MYBPC3: variants seen among roughly 807,000 people sequenced by gnomAD.
MYBPC3 encodes the protein myosin-binding protein C, cardiac-type.
Under a neutral mutation model 159.3 loss-of-function variants are expected in MYBPC3, and 108 were observed. The observed-to-expected ratio is 0.68, with a 90% CI of 0.58 to 0.80. The LOEUF (loss-of-function observed/expected upper bound fraction) is 0.80, where lower values mean the gene tolerates loss of function less well. Ranked by LOEUF, MYBPC3 falls within the 30% of genes least tolerant of loss-of-function variation. The probability of loss-of-function intolerance (pLI) is 0.00; values close to 1 mark genes in which losing one functional copy is unlikely to be tolerated. For synonymous variants in MYBPC3, 730 were observed against 702.0 expected, an observed-to-expected ratio of 1.04 and a Z score of -0.63; for missense variants, 1,631 against 1,762.1, an observed-to-expected ratio of 0.93 and a Z score of 1.33.
Position 47,351,546 on chromosome 11 carries a change from G to A in MYBPC3, c.26-41C>T, listed in dbSNP as rs773070373. ...GAGGCTACAGCGGCCCCTGGTTGGA[G>A]CGTGCACCCCGCCCCTGCAGCCCCT... On this transcript the variant is annotated intron_variant, in intron 1 of 34. Transcript: ENST00000545968. The surrounding 1 kb of genome is among the most constrained non-coding windows in gnomAD (Gnocchi z 4.2). 7 of 1,536,588 alleles carry A rather than the reference G, an allele frequency of 4.6e-6. No individual in the cohort carries two copies. The highest frequency in any genetic ancestry group is 1.8e-4 in the Middle Eastern group (1 of 5,590).
intron 12 of MYBPC3, 87 bp from the exon 13 acceptor site, chr11:47,343,711 G>T: frequency 7.2e-7 from 1 of 1,390,492 alleles, no homozygotes; most frequent in Non-Finnish European, 9.6e-7. Context: ...CTGGGGCCCA[G>T]GTCCCCCCCT....
At position 47,347,472 on chromosome 11, in the gene MYBPC3, G is replaced by A. The variant is rs776238883; in HGVS notation, c.859C>T (p.His287Tyr). The part of the protein sequence containing the change: ...AGGGRRISDS[H>Y]EDTGILDFSS... ...AAGTCCAGAATCCCAGTGTCCTCAT[G>A]GCTATCACTATGGAGAGGGACCCCC... Residue 287 changes from histidine to tyrosine, a missense_variant, in exon 9 of 35, where the codon CAT becomes TAT. Transcript: ENST00000545968. 9 of 1,596,764 alleles carry A rather than the reference G, an allele frequency of 5.6e-6. No individual in the cohort carries two copies. Among genetic ancestry groups the A allele is most frequent in the South Asian group, 1.1e-5 (1 of 87,614 alleles).
At position 47,346,768 on chromosome 11, in the gene MYBPC3, C is replaced by T. The variant is rs2095894580; in HGVS notation, c.909-124G>A. ...CCTCCCTATTTTCCGCACTTGCACT[C>T]CCTGTGTTGTGGGGCACCCATGCTG... On this transcript the variant is annotated intron_variant, in intron 10 of 34. Transcript: ENST00000545968. This position sits in a 1 kb window ranked among gnomAD's most constrained non-coding sequence, Gnocchi z 5.3. 2.7e-6 allele frequency: 3 copies of T among 1,098,934 alleles called. No individual in the cohort carries two copies. The highest frequency in any genetic ancestry group is 2.5e-5 in the Admixed American group (1 of 40,368). 68.1% of individuals were successfully genotyped at this position (1,098,934 alleles called of 1,614,324 possible).
chr11:47,335,023 T>C lies in MYBPC3; in HGVS notation c.2905+19A>G, dbSNP rs768015456. The C allele has an allele frequency of 5.4e-6, 8 of 1,485,370 alleles. No individual in the cohort carries two copies. Among genetic ancestry groups the C allele is most frequent in the African/African-American group, 1.4e-5 (1 of 70,840 alleles). 92.0% of individuals were successfully genotyped at this position (1,485,370 alleles called of 1,614,324 possible). A position where few individuals can be genotyped will look rare whatever the true frequency, so the allele number is the denominator to read the frequency against. ...GGGTGTCAATGGCGGGTCTTGTGAC[T>C]GCACAAAGGGGCACTCACGCAGGAT... is the stretch of plus-strand genomic sequence containing the variant. On this transcript the variant is annotated intron_variant, in intron 27 of 34. Transcript: ENST00000545968.
At position 47,341,209 on chromosome 11, in the gene MYBPC3, G is replaced by A. The variant is rs730880553; in HGVS notation, c.1826C>T (p.Ala609Val). 5 of 1,598,614 alleles carry A rather than the reference G, an allele frequency of 3.1e-6. No homozygotes were observed. The highest frequency in any genetic ancestry group is 3.4e-6 in the Non-Finnish European group (4 of 1,172,838). The change falls in exon 19 of 35, where the codon GCC becomes GTC. Residue 609 changes from alanine (A) to valine (V), a missense_variant. Physicochemically the swap from Ala to Val is moderately conservative, Grantham distance 64. Coordinates refer to ENST00000545968, the MANE Select transcript of MYBPC3 (RefSeq NM_000256.3). Reference protein sequence around the residue: ...HKLTIDDVTPADEADYSFVPE... With the variant: ...HKLTIDDVTPVDEADYSFVPE... ...CACAAAGCTGTAGTCAGCCTCGTCG[G>A]CAGGTGTGACGTCGTCAATGGTCAG...
chr11:47,340,289 A>G (rs1050051592), intron 20 of MYBPC3, among the ~76,000 whole-genome samples: 9 of 152,158 alleles, frequency 5.9e-5, no homozygotes, highest in African/African-American at 1.4e-4. Flanking sequence ...ACACACACAC[A>G]CGCGCGCACA....
intron 12 of MYBPC3, among the ~76,000 whole-genome samples, chr11:47,344,724 T>C (rs932852803): frequency 6.6e-6 from 1 of 152,220 alleles, no homozygotes; most frequent in Admixed American, 6.5e-5. Flanking sequence ...AGTCCTTCCA[T>C]CATAGTGTTG....
Position 47,335,136 on chromosome 11 carries a change from C to T in MYBPC3, c.2811G>A (p.Gly937=), listed in dbSNP as rs2095881023. ...CCCGCACTCGGAAAAGCAGCCGGGC[C>T]CCCGTGGGCAGGTCCTTCACCAGTA... is the stretch of plus-strand genomic sequence containing the variant. ...TSILVKDLPT[G]ARLLFRVRAH... Residue 937 remains glycine, a synonymous_variant, in exon 27 of 35, where the codon GGG becomes GGA. Transcript: ENST00000545968. The T allele has an allele frequency of 6.2e-7, 1 of 1,612,726 alleles. No individual in the cohort carries two copies. The highest frequency in any genetic ancestry group is 8.5e-7 in the Non-Finnish European group (1 of 1,179,286).
chr11:47,351,254 T>C lies in MYBPC3; in HGVS notation c.277A>G (p.Lys93Glu). 6.5e-7 allele frequency: 1 copy of C among 1,543,838 alleles called. No homozygotes were observed. The highest frequency in any genetic ancestry group is 8.8e-7 in the Non-Finnish European group (1 of 1,138,124). ...AGGATCTTACCTGCCTCTATGACCTTGAGGTCGAACTTGACCTTGGAGGAG... is the reference window on the plus strand; with the variant it reads ...AGGATCTTACCTGCCTCTATGACCTCGAGGTCGAACTTGACCTTGGAGGAG... ...AGSSKVKFDL[K>E]VIEAEKAEPM... The change falls in exon 2 of 35, where the codon AAG becomes GAG. Residue 93 changes from lysine (K) to glutamate (E), a missense_variant. Physicochemically the swap from Lys to Glu is moderately conservative, Grantham distance 56. Transcript: ENST00000545968. This position sits in a 1 kb window ranked among gnomAD's most constrained non-coding sequence, Gnocchi z 4.2.
At chr11:47,334,972 C>T (rs967595264) in intron 27 of MYBPC3, 70 bp downstream of exon 27, 7 of 1,406,754 alleles carry the variant, frequency 5.0e-6, no homozygotes, top group Non-Finnish European at 6.5e-6. Flanking sequence ...CAACTGTCCC[C>T]ACCTCCACTG....
At chr11:47,336,108 G>A in intron 25 of MYBPC3, 97 bp from the exon 26 acceptor site, 1 of 1,209,276 alleles carries the variant, frequency 8.3e-7, no homozygotes, top group African/African-American at 1.6e-5. Context: ...CACATAGGGG[G>A]CACTTCCTGT....
chr11:47,350,577 C>T lies in MYBPC3; in HGVS notation c.331G>A (p.Ala111Thr). 1 of 1,523,060 alleles carries T rather than the reference C, an allele frequency of 6.6e-7. No homozygotes were observed. Among genetic ancestry groups the T allele is most frequent in the Non-Finnish European group, 8.7e-7 (1 of 1,143,970 alleles). The allele number at this position is 1,523,060 out of a possible 1,614,324, so 94.3% of individuals were successfully genotyped here. ...TCTCCAGGGGCTCCAGTGGCCTCAG[C>T]AGGGGCAGGGGCAGGGGCCAGCATG... Reference protein sequence around the residue: ...EPMLAPAPAPAEATGAPGEAP... With the variant: ...EPMLAPAPAPTEATGAPGEAP... The change falls in exon 3 of 35, where the codon GCT (alanine) becomes ACT (threonine). Residue 111 changes from alanine to threonine, a missense_variant. Ala to Thr is a moderately conservative substitution (Grantham distance 58). Transcript: ENST00000545968.
rs397515924 is a variant in MYBPC3 at position 47,342,003 on chromosome 11, G to A, written c.1778C>T (p.Ser593Phe). The change falls in exon 18 of 35, where the codon TCC (serine) becomes TTC (phenylalanine). Residue 593 changes from serine (S) to phenylalanine (F), a missense_variant. Transcript: ENST00000545968. ...CCTGCACACTCACCGCCCGATGTGG[G>A]ACACCTTTATGCGGCTGTCGGGCAC... ...ELVPDSRIKV[S>F]HIGRVHKLTI... The A allele has an allele frequency of 1.3e-5, 21 of 1,569,778 alleles. No individual in the cohort carries two copies. Among genetic ancestry groups the A allele is most frequent in the Non-Finnish European group, 1.7e-5 (20 of 1,156,678 alleles).
chr11:47,351,127 G>A lies in MYBPC3; in HGVS notation c.292+112C>T, dbSNP rs1232146860. On this transcript the variant is annotated intron_variant, in intron 2 of 34. Coordinates refer to ENST00000545968, the MANE Select transcript of MYBPC3 (RefSeq NM_000256.3). The surrounding 1 kb of genome is among the most constrained non-coding windows in gnomAD (Gnocchi z 4.2). ...GTTCCTGGCGGGGGGCACAGCCACA[G>A]CAAAGGCAAGAAAGTGTGAAAGCAC... 4 of 1,346,206 alleles carry A rather than the reference G, an allele frequency of 3.0e-6. No individual in the cohort carries two copies. The East Asian group carries it at 1.0e-4, about 35-fold the overall frequency. 83.4% of individuals were successfully genotyped at this position (1,346,206 alleles called of 1,614,324 possible).
chr11:47,333,636 G>A lies in MYBPC3; in HGVS notation c.3111C>T (p.Arg1037=), dbSNP rs765589466. The change falls in exon 29 of 35, where the codon CGC becomes CGT. Residue 1037 remains arginine (R), a synonymous_variant. Transcript: ENST00000545968. The part of the protein sequence containing the change: ...DTILFIRAAR[R]VHSGTYQVTV... ...TCACCTGGTAAGTGCCTGAATGCAC[G>A]CGGCGAGCGGCCCGGATGAACAGGA... The A allele has an allele frequency of 6.2e-6, 10 of 1,607,830 alleles. No individual in the cohort carries two copies. The highest frequency in any genetic ancestry group is 3.3e-5 in the South Asian group (3 of 91,096).
Position 47,351,189 on chromosome 11 carries a change from G to GGGCCCCCCCCC in MYBPC3, c.292+49_292+50insGGGGGGGGGCC. 6.9e-7 allele frequency: 1 copy of GGGCCCCCCCCC among 1,449,110 alleles called. No homozygotes were observed. The highest frequency in any genetic ancestry group is 9.2e-7 in the Non-Finnish European group (1 of 1,087,860). 89.8% of individuals were successfully genotyped at this position (1,449,110 alleles called of 1,614,324 possible). Reference sequence around the variant, plus strand: ...TGGATGGATGGAGAGTCGCTGGGCTGCCCCTCCCCCAGCAGCCCAAACCTC... The same window carrying GGGCCCCCCCCC: ...TGGATGGATGGAGAGTCGCTGGGCTGGGCCCCCCCCCCCCCTCCCCCAGCAGCCCAAACCTC... On this transcript the variant is annotated intron_variant, in intron 2 of 34. Coordinates refer to ENST00000545968, the MANE Select transcript of MYBPC3 (RefSeq NM_000256.3). The surrounding 1 kb of genome is among the most constrained non-coding windows in gnomAD (Gnocchi z 4.2).
rs756101990 is a variant in MYBPC3 at position 47,342,720 on chromosome 11, G to A, written c.1482C>T (p.Thr494=). ...VKWLKDGVEL[T]REETFKYRFK... is the part of the protein sequence containing the mutation. ...ACCGGTATTTGAAGGTCTCCTCCCG[G>A]GTCAGCTCCACCCCGTCCTTCAGCC... Residue 494 remains threonine (T), a synonymous_variant, in exon 17 of 35, where the codon ACC becomes ACT. Coordinates refer to ENST00000545968, the MANE Select transcript of MYBPC3 (RefSeq NM_000256.3). 1 of 1,614,018 alleles carries A rather than the reference G, an allele frequency of 6.2e-7. No individual in the cohort carries two copies. Among genetic ancestry groups the A allele is most frequent in the Non-Finnish European group, 8.5e-7 (1 of 1,179,882 alleles).
chr11:47,342,507 C>CAG, intron 17 of MYBPC3, 71 bp downstream of exon 17: 1 of 1,447,204 alleles, frequency 6.9e-7, no homozygotes, highest in Non-Finnish European at 9.1e-7. Context: ...TGCTCCCCTA[C>CAG]AGGGCTAGGT....
chr11:47,338,080 T>G lies in MYBPC3; in HGVS notation c.2309-286A>C, dbSNP rs2095884346. Reference sequence around the variant, plus strand: ...CTTTAAGGCTTCTCACTGCCCATATTCACCCCTGTCCTGGCTCTGATCCTC... The same window carrying G: ...CTTTAAGGCTTCTCACTGCCCATATGCACCCCTGTCCTGGCTCTGATCCTC... On this transcript the variant is annotated intron_variant, in intron 23 of 34. Coordinates refer to ENST00000545968, the MANE Select transcript of MYBPC3 (RefSeq NM_000256.3). The surrounding 1 kb of genome is among the most constrained non-coding windows in gnomAD (Gnocchi z 4.7). Among the ~76,000 whole-genome samples, 1 of 151,308 alleles carries G rather than the reference T, an allele frequency of 6.6e-6. No individual in the cohort carries two copies. The highest frequency in any genetic ancestry group is 2.1e-4 in the South Asian group (1 of 4,788).
Sources: gnomAD v4.1 joint callset for allele counts (sites outside exome capture counted in the v4.1 genomes callset) on GRCh38, gnomAD v4.1.1 for gene constraint, Gnocchi (gnomAD v3.1) non-coding constraint, MANE v1.5 for transcripts, NCBI Gene and HGNC (gene_info 2026-07-23, HGNC 2026-07-21) for gene names.